WDR70: variants seen among roughly 807,000 people sequenced by gnomAD.
The protein encoded by WDR70 is WD repeat domain 70.
Under a neutral mutation model 88.6 loss-of-function variants are expected in WDR70, and 53 were observed. The ratio of observed to expected loss-of-function variants is 0.60; its 90% confidence interval spans 0.48 to 0.75. The LOEUF is 0.75. Ranked by LOEUF, WDR70 falls within the 30% of genes least tolerant of loss-of-function variation. The probability of loss-of-function intolerance (pLI) is 0.00; values close to 1 mark genes in which losing one functional copy is unlikely to be tolerated. For missense variants in WDR70, 610 were observed against 823.2 expected (o/e 0.74, Z 3.17); for synonymous variants, 280 against 270.0 (o/e 1.04, Z -0.36).
At chr5:37,400,818 C>G (rs551892889) in intron 5 of WDR70, among the ~76,000 whole-genome samples, 1 of 152,266 alleles carries the variant, frequency 6.6e-6, no homozygotes, top group South Asian at 2.1e-4. Flanking sequence ...AAAAAAATTG[C>G]TATAGCGAAG....
At chr5:37,383,640 T>G (rs570922896) in intron 3 of WDR70, among the ~76,000 whole-genome samples, 1 of 152,056 alleles carries the variant, frequency 6.6e-6, no homozygotes, top group African/African-American at 2.4e-5. Context: ...AGTGCAGTGG[T>G]GCGATCTTGG....
At chr5:37,498,997 T>A (rs1473189953) in intron 8 of WDR70, among the ~76,000 whole-genome samples, 1 of 152,194 alleles carries the variant, frequency 6.6e-6, no homozygotes, top group East Asian at 1.9e-4. Flanking sequence ...CACTAGCAAT[T>A]GGTATTGTTA....
chr5:37,537,074 C>G (rs1581376390), intron 9 of WDR70, among the ~76,000 whole-genome samples: 1 of 152,166 alleles, frequency 6.6e-6, no homozygotes, highest in East Asian at 1.9e-4. Context: ...AATCCAAACC[C>G]CGGGAATACA....
At chr5:37,718,181 T>C (rs1368727377) in intron 13 of WDR70, among the ~76,000 whole-genome samples, 1 of 152,144 alleles carries the variant, frequency 6.6e-6, no homozygotes, top group Non-Finnish European at 1.5e-5. Flanking sequence ...CTCTGGAGGG[T>C]ACAGGATGTG....
At chr5:37,744,386 C>T (rs1233256985) in intron 17 of WDR70, among the ~76,000 whole-genome samples, 1 of 152,054 alleles carries the variant, frequency 6.6e-6, no homozygotes, top group Non-Finnish European at 1.5e-5. Context: ...CAAATGATTG[C>T]ATCGTCTCTC....
intron 8 of WDR70, among the ~76,000 whole-genome samples, chr5:37,493,403 T>G (rs910990199): frequency 6.6e-6 from 1 of 152,212 alleles, no homozygotes; most frequent in Non-Finnish European, 1.5e-5. Flanking sequence ...TAATGGAGAT[T>G]GCACATAGGG....
At chr5:37,703,227 G>C in intron 13 of WDR70, 140 bp downstream of exon 13, 1 of 1,033,400 alleles carries the variant, frequency 9.7e-7, no homozygotes, top group Non-Finnish European at 1.4e-6. Flanking sequence ...TAGCGTAGGA[G>C]TTATCAGTAT....
chr5:37,724,640 G>A (rs1293738002), intron 15 of WDR70: 4 of 285,966 alleles, frequency 1.4e-5, no homozygotes, highest in Admixed American at 4.9e-5. Context: ...TCAAAACCAC[G>A]GTAATTAAGT....
At chr5:37,609,278 A>C (rs966408933) in intron 10 of WDR70, among the ~76,000 whole-genome samples, 2 of 152,166 alleles carry the variant, frequency 1.3e-5, no homozygotes, top group Middle Eastern at 3.2e-3. Context: ...AACTATGTTC[A>C]TGTCTCTTTA....
intron 9 of WDR70, among the ~76,000 whole-genome samples, chr5:37,593,040 A>G (rs1288182124): frequency 1.3e-5 from 2 of 152,180 alleles, no homozygotes; most frequent in African/African-American, 4.8e-5. Context: ...CCATAGCCCT[A>G]GCTACTTGGA....
intron 9 of WDR70, among the ~76,000 whole-genome samples, chr5:37,526,716 T>C (rs1191885200): frequency 6.6e-6 from 1 of 152,194 alleles, no homozygotes; most frequent in Non-Finnish European, 1.5e-5. Flanking sequence ...GATGACATGA[T>C]TGTGTATTTA....
chr5:37,457,348 G>A (rs547534736), intron 7 of WDR70, among the ~76,000 whole-genome samples: 19 of 152,232 alleles, frequency 1.2e-4, no homozygotes, highest in African/African-American at 4.3e-4. Context: ...CACCCGCCTT[G>A]GCCTCCCAAA....
At chr5:37,553,600 G>T (rs1742209481) in intron 9 of WDR70, among the ~76,000 whole-genome samples, 1 of 152,204 alleles carries the variant, frequency 6.6e-6, no homozygotes, top group Non-Finnish European at 1.5e-5. Context: ...ATGTGCTGAG[G>T]CTGTGTAAAA....
intron 9 of WDR70, among the ~76,000 whole-genome samples, chr5:37,573,294 T>A (rs975483659): frequency 2.6e-5 from 4 of 152,172 alleles, no homozygotes; most frequent in African/African-American, 9.7e-5. Flanking sequence ...TTCAATCAAC[T>A]TATTAATATC....
rs752916647 is a variant in WDR70 at position 37,443,310 on chromosome 5, T to C, written c.624T>C (p.Phe208=). ...GAGGATATGACTATGATGTTAAGTT[T>C]TGGGATTTTGCTGGAATGGATGCTT... ...VTGGYDYDVK[F]WDFAGMDASF... is the part of the protein sequence containing the mutation. Residue 208 remains phenylalanine (F), a synonymous_variant, in exon 7 of 18, where the codon TTT becomes TTC. Coordinates refer to ENST00000265107, the MANE Select transcript of WDR70 (RefSeq NM_018034.4). 7 of 1,613,846 alleles carry C rather than the reference T, an allele frequency of 4.3e-6. No homozygotes were observed. The highest frequency in any genetic ancestry group is 5.9e-6 in the Non-Finnish European group (7 of 1,179,868).
At position 37,531,593 on chromosome 5, in the gene WDR70, T is replaced by C. The variant is rs79292162; in HGVS notation, c.917+15003T>C. 8.0e-3 allele frequency among the ~76,000 whole-genome samples: 143 copies of C among 17,838 alleles called. 1 individual carries two copies. Among genetic ancestry groups the C allele is most frequent in the Non-Finnish European group, 0.011 (90 of 8,174 alleles). The allele number at this position is 17,838 out of a possible 152,430, so 11.7% of individuals were successfully genotyped here. Reference sequence around the variant, plus strand: ...CTGTTGCTTTAAAGTTTTTCTTTTTTTTTTTTTTTTTTTTGTCTGATATAA... The same window carrying C: ...CTGTTGCTTTAAAGTTTTTCTTTTTCTTTTTTTTTTTTTTGTCTGATATAA... On this transcript the variant is annotated intron_variant, in intron 9 of 17. Coordinates refer to ENST00000265107, the MANE Select transcript of WDR70 (RefSeq NM_018034.4).
intron 10 of WDR70, among the ~76,000 whole-genome samples, chr5:37,631,421 G>C (rs1320515710): frequency 1.3e-5 from 2 of 152,140 alleles, no homozygotes; most frequent in Non-Finnish European, 2.9e-5. Context: ...AGTAACAATA[G>C]TGGTGATAAC....
At chr5:37,599,718 C>G (rs1743806765) in intron 9 of WDR70, among the ~76,000 whole-genome samples, 1 of 151,858 alleles carries the variant, frequency 6.6e-6, no homozygotes, top group South Asian at 2.1e-4. Context: ...ATGGCAAAAC[C>G]CCATCTCTAC....
At chr5:37,479,096 T>G (rs4298274) in intron 7 of WDR70, among the ~76,000 whole-genome samples, 147,869 of 152,178 alleles carry the variant, frequency 0.97, 72,001 homozygotes, top group Non-Finnish European at 1. Context: ...AGTATGATTT[T>G]CCATGGACTG....
Sources: gnomAD v4.1 joint callset for allele counts (sites outside exome capture counted in the v4.1 genomes callset) on GRCh38, gnomAD v4.1.1 for gene constraint, MANE v1.5 for transcripts, NCBI Gene and HGNC (gene_info 2026-07-23, HGNC 2026-07-21) for gene names.